The following NRXN1 variants were observed in gnomAD, a reference collection of about 807,000 sequenced individuals.
NRXN1 encodes the protein neurexin-1.
In NRXN1, 39 loss-of-function variants were observed where a neutral mutation model predicts 150.9. That is an observed-to-expected ratio of 0.26 (90% CI 0.20 to 0.34). The LOEUF (loss-of-function observed/expected upper bound fraction) is 0.34. NRXN1 is among the 10% of genes least tolerant of loss of function. NRXN1 has a pLI of 1.00. For missense variants in NRXN1, 1,815 were observed against 1,949.9 expected (o/e 0.93, Z 1.30); for synonymous variants, 924 against 757.0 (o/e 1.22, Z -3.62).
intron 17 of NRXN1, among the ~76,000 whole-genome samples, chr2:50,410,037 C>G (rs1374227125): frequency 6.6e-6 from 1 of 152,112 alleles, no homozygotes; most frequent in African/African-American, 2.4e-5. Flanking sequence ...GCCACATTGA[C>G]CTTTTTGTCC....
rs185723854 is a variant in NRXN1 at position 50,080,723 on chromosome 2, T to C, written c.3718+10600A>G. ...ATCCTATTTTGGAGAACAATTGTTT[T>C]AAACTGGAAGTACAAAAGTTGGTCC... On this transcript the variant is annotated intron_variant, in intron 19 of 22. Coordinates refer to ENST00000401669, the MANE Select transcript of NRXN1 (RefSeq NM_001330078.2). Among the ~76,000 whole-genome samples the C allele has an allele frequency of 1.3e-4, 20 of 152,262 alleles. No individual in the cohort carries two copies. In the East Asian group the frequency reaches 3.5e-3, roughly 26 times the overall value.
chr2:50,511,703 T>C (rs890043838), intron 12 of NRXN1, among the ~76,000 whole-genome samples: 5 of 152,182 alleles, frequency 3.3e-5, no homozygotes, highest in Admixed American at 2.0e-4. Flanking sequence ...GAGTTAACCC[T>C]AACTTGAGGC....
At position 50,054,857 on chromosome 2, in the gene NRXN1, G is replaced by A; in HGVS notation, c.3808+98C>T. 3 of 784,766 alleles carry A rather than the reference G, an allele frequency of 3.8e-6. No homozygotes were observed. In the South Asian group the frequency reaches 6.2e-5, roughly 16 times the overall value. The allele number at this position is 784,766 out of a possible 1,614,324, so 48.6% of individuals were successfully genotyped here. On this transcript the variant is annotated intron_variant, in intron 20 of 22. Transcript: ENST00000401669. Reference sequence around the variant, plus strand: ...AAGTTGTTTTTAATTTAGTTTTACGGAAAATTTATTTTTTATGTTTATTAG... The same window carrying A: ...AAGTTGTTTTTAATTTAGTTTTACGAAAAATTTATTTTTTATGTTTATTAG...
intron 2 of NRXN1, among the ~76,000 whole-genome samples, chr2:51,007,090 T>C (rs1667127579): frequency 6.6e-6 from 1 of 152,112 alleles, no homozygotes; most frequent in South Asian, 2.1e-4. Context: ...AACATTTTTC[T>C]CTAGTGCATA....
intron 18 of NRXN1, among the ~76,000 whole-genome samples, chr2:50,196,802 C>T (rs768632490): frequency 2.6e-5 from 4 of 152,062 alleles, no homozygotes; most frequent in African/African-American, 9.7e-5. Flanking sequence ...CAAACTAATG[C>T]AGGAACAGAA....
chr2:50,772,414 T>C (rs989892520), intron 5 of NRXN1, among the ~76,000 whole-genome samples: 4 of 151,750 alleles, frequency 2.6e-5, no homozygotes, highest in Non-Finnish European at 5.9e-5. Flanking sequence ...GGTCATGGCA[T>C]TGCCTTTCTT....
chr2:50,349,008 C>A lies in NRXN1; in HGVS notation c.3365-112038G>T, dbSNP rs139674734. ...AGATTTGATTCAAATCAGCTACTAA[C>A]CCAAGTGGCCATTTAGACTTGTATA... On this transcript the variant is annotated intron_variant, in intron 17 of 22. Coordinates refer to ENST00000401669, the MANE Select transcript of NRXN1 (RefSeq NM_001330078.2). Among the ~76,000 whole-genome samples, 16 of 152,226 alleles carry A rather than the reference C, an allele frequency of 1.1e-4. No homozygotes were observed. In the East Asian group the frequency reaches 3.1e-3, roughly 29 times the overall value.
chr2:50,371,183 G>A (rs1009510475), intron 17 of NRXN1, among the ~76,000 whole-genome samples: 15 of 151,952 alleles, frequency 9.9e-5, no homozygotes, highest in Admixed American at 6.6e-5. Context: ...ATTACAAAGG[G>A]CATTCTTTAA....
intron 2 of NRXN1, among the ~76,000 whole-genome samples, chr2:51,008,223 C>T (rs760743153): frequency 6.6e-6 from 1 of 151,736 alleles, no homozygotes; most frequent in African/African-American, 2.4e-5. Flanking sequence ...CCAAATCAAA[C>T]AAAGAAGAGA....
chr2:50,471,745 G>A (rs62135004), intron 16 of NRXN1, among the ~76,000 whole-genome samples: 48,702 of 151,494 alleles, frequency 0.32, 9,847 homozygotes, highest in Middle Eastern at 0.47. Context: ...TGGAGAGTGT[G>A]AGGATGGAGA....
intron 5 of NRXN1, among the ~76,000 whole-genome samples, chr2:50,741,393 A>G (rs542815873): frequency 1.3e-5 from 2 of 152,296 alleles, no homozygotes; most frequent in South Asian, 2.1e-4. Flanking sequence ...TGTTCTACAC[A>G]TCTGTATTCT....
At chr2:50,384,201 G>T (rs988483454) in intron 17 of NRXN1, among the ~76,000 whole-genome samples, 1 of 152,110 alleles carries the variant, frequency 6.6e-6, no homozygotes, top group Non-Finnish European at 1.5e-5. Context: ...GTAAAATTAT[G>T]ATGGCTTTAA....
intron 5 of NRXN1, among the ~76,000 whole-genome samples, chr2:50,730,712 G>T (rs541618909): frequency 4.0e-5 from 5 of 123,498 alleles, no homozygotes; most frequent in African/African-American, 1.3e-4. Flanking sequence ...TTGCTCTGTC[G>T]CACAGGCTGG....
chr2:50,079,288 C>A (rs1212166997), intron 19 of NRXN1, among the ~76,000 whole-genome samples: 2 of 151,888 alleles, frequency 1.3e-5, no homozygotes, highest in African/African-American at 4.8e-5. Flanking sequence ...ATAAAGTATG[C>A]CCTACAGGTA....
rs191137783 is a variant in NRXN1 at position 50,023,995 on chromosome 2, A to G, written c.4128+29276T>C. 2.6e-5 allele frequency: 4 copies of G among 152,198 alleles called. No individual in the cohort carries two copies. In the East Asian group the frequency reaches 5.8e-4, roughly 22 times the overall value. The allele number at this position is 152,198 out of a possible 1,614,324, so 9.4% of individuals were successfully genotyped here. On this transcript the variant is annotated intron_variant, in intron 21 of 22. Transcript: ENST00000401669. ...CCAGGCATTAGGTGTTTTTATTCCT[A>G]TTTTACAGATGAAGTTGGATGTCTG...
chr2:50,241,347 A>G lies in NRXN1; in HGVS notation c.3365-4377T>C, dbSNP rs1453514371. On this transcript the variant is annotated intron_variant, in intron 17 of 22. Coordinates refer to ENST00000401669, the MANE Select transcript of NRXN1 (RefSeq NM_001330078.2). ...TACTATATAAGTGAGTTAAATATGCAGTGGCAGTACATCTTAATCACAGTT... is the reference window on the plus strand; with the variant it reads ...TACTATATAAGTGAGTTAAATATGCGGTGGCAGTACATCTTAATCACAGTT... 2.6e-5 allele frequency among the ~76,000 whole-genome samples: 4 copies of G among 151,838 alleles called. No individual in the cohort carries two copies. In the South Asian group the frequency reaches 6.2e-4, roughly 24 times the overall value.
chr2:49,965,650 C>G (rs1156250693), intron 21 of NRXN1, among the ~76,000 whole-genome samples: 2 of 152,042 alleles, frequency 1.3e-5, no homozygotes, highest in Non-Finnish European at 2.9e-5. Context: ...GACTTTCACA[C>G]TGATAGAAAA....
At chr2:50,389,788 A>G (rs1013787952) in intron 17 of NRXN1, among the ~76,000 whole-genome samples, 1 of 152,280 alleles carries the variant, frequency 6.6e-6, no homozygotes, top group East Asian at 1.9e-4. Flanking sequence ...TAGGAGAGTA[A>G]CTGGAATGTA....
At chr2:50,027,521 G>A (rs1573490577) in intron 21 of NRXN1, among the ~76,000 whole-genome samples, 1 of 151,886 alleles carries the variant, frequency 6.6e-6, no homozygotes, top group East Asian at 1.9e-4. Flanking sequence ...TGACTCACTG[G>A]AGACTTGACC....
Sources: gnomAD v4.1 joint callset for allele counts (sites outside exome capture counted in the v4.1 genomes callset) on GRCh38, gnomAD v4.1.1 for gene constraint, MANE v1.5 for transcripts, NCBI Gene and HGNC (gene_info 2026-07-23, HGNC 2026-07-21) for gene names.